Variants in PLXNA2 observed in about 807,000 individuals in gnomAD.
PLXNA2 encodes the protein plexin-A2.
Under a neutral mutation model 193.5 loss-of-function variants are expected in PLXNA2, and 91 were observed. The observed-to-expected ratio is 0.47, with a 90% CI of 0.40 to 0.56. The LOEUF (loss-of-function observed/expected upper bound fraction) is 0.56. Among genes scored for constraint, PLXNA2 ranks in the 20% least tolerant of loss-of-function variants. PLXNA2 has a pLI of 0.00. For missense variants in PLXNA2, 1,995 were observed against 2,503.2 expected (o/e 0.80, Z 4.33); for synonymous variants, 997 against 1,027.3 (o/e 0.97, Z 0.56).
At chr1:208,196,591 C>A (rs1670367049) in intron 3 of PLXNA2, among the ~76,000 whole-genome samples, 1 of 152,104 alleles carries the variant, frequency 6.6e-6, no homozygotes, top group South Asian at 2.1e-4. Context: ...GTGGTAGGGT[C>A]CTGAGAATTG....
intron 12 of PLXNA2, among the ~76,000 whole-genome samples, chr1:208,063,960 G>T (rs1384107893): frequency 6.6e-6 from 1 of 151,956 alleles, no homozygotes; most frequent in Non-Finnish European, 1.5e-5. Context: ...ATCTCCCTCA[G>T]GCGCCTCACA....
chr1:208,034,523 T>G lies in PLXNA2; in HGVS notation c.4834A>C (p.Ser1612Arg). Residue 1612 changes from serine (S) to arginine (R), a missense_variant, in exon 27 of 32, where the codon AGC (serine) becomes CGC (arginine). By Grantham distance (110) the Ser-to-Arg change is moderately radical. This residue lies in a region of PLXNA2 where 1,291 missense variants were observed against 1,673.6 expected (regional missense o/e 0.77). Transcript: ENST00000367033. ...TSSYNIPASASISRTSISRYD... is the reference protein window; with the variant it reads ...TSSYNIPASARISRTSISRYD... ...CTGCTGATGGACGTCCGGGAGATGCTGGCAGAGGCAGGGATGTTGTAGGAG... is the reference window on the plus strand; with the variant it reads ...CTGCTGATGGACGTCCGGGAGATGCGGGCAGAGGCAGGGATGTTGTAGGAG... 6.2e-7 allele frequency: 1 copy of G among 1,613,900 alleles called. No homozygotes were observed. Among genetic ancestry groups the G allele is most frequent in the Non-Finnish European group, 8.5e-7 (1 of 1,179,808 alleles).
At chr1:208,137,331 C>T (rs1005575939) in intron 4 of PLXNA2, among the ~76,000 whole-genome samples, 2 of 152,224 alleles carry the variant, frequency 1.3e-5, no homozygotes, top group African/African-American at 4.8e-5. Context: ...ATAATTGCTT[C>T]CATCCCTATA....
chr1:208,146,273 T>C (rs1465247667), intron 3 of PLXNA2, among the ~76,000 whole-genome samples: 7 of 152,244 alleles, frequency 4.6e-5, no homozygotes, highest in Non-Finnish European at 1.0e-4. Flanking sequence ...GGCACACTTT[T>C]AGGTGAGTTA....
intron 1 of PLXNA2, among the ~76,000 whole-genome samples, chr1:208,231,695 A>G (rs28374931): frequency 0.16 from 23,959 of 152,214 alleles, 2,467 homozygotes; most frequent in Middle Eastern, 0.25. Flanking sequence ...CCCTTACTCA[A>G]GCTGGTGAGG....
At chr1:208,238,525 A>C (rs1190802119) in intron 1 of PLXNA2, among the ~76,000 whole-genome samples, 2 of 152,080 alleles carry the variant, frequency 1.3e-5, no homozygotes. Context: ...CCATCCCAAT[A>C]CTTCAATATT....
chr1:208,104,162 G>GT (rs1249177164), intron 4 of PLXNA2, among the ~76,000 whole-genome samples: 11 of 152,170 alleles, frequency 7.2e-5, no homozygotes, highest in Non-Finnish European at 1.5e-4. Flanking sequence ...GGGCATAGAG[G>GT]TCCCCCACCT....
At chr1:208,041,061 G>A (rs1664851612) in intron 22 of PLXNA2, among the ~76,000 whole-genome samples, 1 of 152,222 alleles carries the variant, frequency 6.6e-6, no homozygotes, top group Admixed American at 6.5e-5. Flanking sequence ...AGAAAAAATT[G>A]TAGCTTTCTC....
rs1412744265 is a variant in PLXNA2, at chr1:208,022,885, T to C, written c.*4358A>G. 6.6e-6 allele frequency: 1 copy of C among 152,172 alleles called. No homozygotes were observed. Among genetic ancestry groups the C allele is most frequent in the Non-Finnish European group, 1.5e-5 (1 of 68,054 alleles). 9.4% of individuals were successfully genotyped at this position (152,172 alleles called of 1,614,324 possible). Reference sequence around the variant, plus strand: ...AGGAATCTCCAGTTTGCTTATTGGGTGGAGGCCCTGTATGCCAAGCAGTGG... The same window carrying C: ...AGGAATCTCCAGTTTGCTTATTGGGCGGAGGCCCTGTATGCCAAGCAGTGG... On this transcript the variant is annotated 3_prime_UTR_variant, in exon 32 of 32. Coordinates refer to ENST00000367033, the MANE Select transcript of PLXNA2 (RefSeq NM_025179.4).
At chr1:208,206,775 T>G (rs1241245411) in intron 3 of PLXNA2, among the ~76,000 whole-genome samples, 3 of 149,340 alleles carry the variant, frequency 2.0e-5, no homozygotes, top group Non-Finnish European at 4.5e-5. Context: ...GGTTTTTTTT[T>G]TTTTTTTTTT....
chr1:208,087,872 C>T (rs1311870772), intron 9 of PLXNA2, among the ~76,000 whole-genome samples: 2 of 152,038 alleles, frequency 1.3e-5, no homozygotes, highest in Non-Finnish European at 2.9e-5. Context: ...TAATCAGATA[C>T]AATAAGGCCA....
At chr1:208,119,748 T>C (rs1667747186) in intron 4 of PLXNA2, among the ~76,000 whole-genome samples, 1 of 152,226 alleles carries the variant, frequency 6.6e-6, no homozygotes, top group Non-Finnish European at 1.5e-5. Context: ...TAGCTGGGAA[T>C]ACAAGTGTGT....
In PLXNA2 at chr1:208,217,664, G is replaced by C; in HGVS notation, c.259C>G (p.Pro87Ala). 1 of 1,614,158 alleles carries C rather than the reference G, an allele frequency of 6.2e-7. No homozygotes were observed. Among genetic ancestry groups the C allele is most frequent in the South Asian group, 1.1e-5 (1 of 91,080 alleles). ...TAACAAGACTTGTTGTCCTCTTCTG[G>C]CCCTGTCTTATGAGCCACCTGGATG... ...LTIQVAHKTGPEEDNKSCYPP... is the reference protein window; with the variant it reads ...LTIQVAHKTGAEEDNKSCYPP... Residue 87 changes from proline (P) to alanine (A), a missense_variant, in exon 2 of 32, where the codon CCA becomes GCA. Around this residue, in one of 3 missense-constraint regions of PLXNA2, gnomAD observed 702 missense variants for 812.9 expected, o/e 0.86. Coordinates refer to ENST00000367033, the MANE Select transcript of PLXNA2 (RefSeq NM_025179.4). The surrounding 1 kb of genome is among the most constrained non-coding windows in gnomAD (Gnocchi z 4.7).
intron 9 of PLXNA2, among the ~76,000 whole-genome samples, chr1:208,091,971 GCACA>G (rs1666727053): frequency 6.6e-6 from 1 of 151,792 alleles, no homozygotes; most frequent in Non-Finnish European, 1.5e-5. Context: ...ATGTGTATAT[GCACA>G]CGTGCATTTG....
At chr1:208,142,822 T>C (rs766238359) in intron 3 of PLXNA2, among the ~76,000 whole-genome samples, 1 of 152,266 alleles carries the variant, frequency 6.6e-6, no homozygotes, top group Non-Finnish European at 1.5e-5. Flanking sequence ...TGCACACTCC[T>C]TCATGGTGGC....
intron 1 of PLXNA2, among the ~76,000 whole-genome samples, chr1:208,219,799 G>T (rs1166998091): frequency 6.6e-6 from 1 of 152,174 alleles, no homozygotes; most frequent in Non-Finnish European, 1.5e-5. Context: ...CTTGGAAAGA[G>T]GAAGGCAACA....
intron 4 of PLXNA2, among the ~76,000 whole-genome samples, chr1:208,138,369 G>A (rs972698588): frequency 6.6e-6 from 1 of 152,240 alleles, no homozygotes; most frequent in Non-Finnish European, 1.5e-5. Context: ...TTTAAGGTAG[G>A]TGAGGCTAAG....
At chr1:208,165,349 C>A (rs1252298955) in intron 3 of PLXNA2, among the ~76,000 whole-genome samples, 1 of 152,158 alleles carries the variant, frequency 6.6e-6, no homozygotes, top group East Asian at 1.9e-4. Flanking sequence ...ACATAGAATA[C>A]CTCATTGCAC....
chr1:208,125,590 C>A (rs562027666), intron 4 of PLXNA2, among the ~76,000 whole-genome samples: 5 of 152,270 alleles, frequency 3.3e-5, no homozygotes, highest in African/African-American at 1.2e-4. Context: ...ATGTTGAATT[C>A]CAGAAGCCCA....
Sources: gnomAD v4.1 joint callset for allele counts (sites outside exome capture counted in the v4.1 genomes callset) on GRCh38, gnomAD v4.1.1 for gene constraint, gnomAD v4.1.1 regional missense constraint, Gnocchi (gnomAD v3.1) non-coding constraint, MANE v1.5 for transcripts, NCBI Gene and HGNC (gene_info 2026-07-23, HGNC 2026-07-21) for gene names.